The following SYNE2 variants were observed in gnomAD, a reference collection of about 807,000 sequenced individuals.
The protein encoded by SYNE2 is spectrin repeat containing nuclear envelope protein 2.
Under a neutral mutation model 856.3 loss-of-function variants are expected in SYNE2, and 431 were observed. That is an observed-to-expected ratio of 0.50 (90% CI 0.47 to 0.55). SYNE2 has a LOEUF of 0.55. Ranked by LOEUF, SYNE2 falls within the 20% of genes least tolerant of loss-of-function variation. The pLI is 0.00. For missense variants in SYNE2, 8,129 were observed against 8,023.2 expected, an observed-to-expected ratio of 1.01 and a Z score of -0.50; for synonymous variants, 2,923 against 2,872.3, an observed-to-expected ratio of 1.02 and a Z score of -0.56.
In SYNE2 at chr14:64,120,956, G is replaced by A; in HGVS notation, c.13053G>A (p.Glu4351=). ...QHPTILKKSS[E]PEHQEALQPV... is the part of the protein sequence containing the mutation. ...CTACCATTCTAAAGAAATCCTCAGA[G>A]CCAGAGCATCAAGAAGCTCTCCAAC... The change falls in exon 68 of 116, where the codon GAG becomes GAA. Residue 4351 remains glutamate, a synonymous_variant. Coordinates refer to ENST00000555002, the MANE Select transcript of SYNE2 (RefSeq NM_182914.3). 2.5e-6 allele frequency: 4 copies of A among 1,614,072 alleles called. No homozygotes were observed. Among genetic ancestry groups the A allele is most frequent in the Non-Finnish European group, 3.4e-6 (4 of 1,179,968 alleles).
chr14:64,028,979 T>C (rs1035973928), intron 43 of SYNE2, among the ~76,000 whole-genome samples: 1 of 152,016 alleles, frequency 6.6e-6, no homozygotes, highest in African/African-American at 2.4e-5. Flanking sequence ...CTACTAAAAA[T>C]ACAAAAATTA....
intron 48 of SYNE2, among the ~76,000 whole-genome samples, chr14:64,054,856 T>A (rs1285572928): frequency 6.6e-6 from 1 of 152,220 alleles, no homozygotes; most frequent in Non-Finnish European, 1.5e-5. Flanking sequence ...TTCAAAGAGT[T>A]ATTATGAGAT....
intron 11 of SYNE2, among the ~76,000 whole-genome samples, chr14:63,971,409 C>T (rs1282590000): frequency 6.6e-6 from 1 of 152,044 alleles, no homozygotes; most frequent in African/African-American, 2.4e-5. Context: ...AGCCACCACA[C>T]CCACCCTTAG....
chr14:63,943,678 A>AT (rs71444629), intron 6 of SYNE2, among the ~76,000 whole-genome samples: 8 of 54,622 alleles, frequency 1.5e-4, no homozygotes, highest in East Asian at 5.1e-4. Context: ...TATTATTATT[A>AT]TTTTTTTTTT....
In SYNE2 at chr14:63,941,699, C is replaced by T. The variant is rs754768287; in HGVS notation, c.146C>T (p.Thr49Ile). ...CWINSQLARH[T>I]SPSVISDLFT... is the part of the protein sequence containing the mutation. ...TTTTCTTGTGACCTTCTGCAGCACA[C>T]TTCTCCCTCAGTTATATCCGACCTA... The change falls in exon 4 of 116, where the codon ACT becomes ATT. Residue 49 changes from threonine to isoleucine, a missense_variant. Around this residue, in one of 3 missense-constraint regions of SYNE2, gnomAD observed 2,422 missense variants for 2,357.4 expected, o/e 1.03. Transcript: ENST00000555002. 7 of 1,613,698 alleles carry T rather than the reference C, an allele frequency of 4.3e-6. No individual in the cohort carries two copies. The East Asian group carries it at 1.3e-4, about 31-fold the overall frequency.
chr14:64,116,043 T>C (rs1411843806), intron 66 of SYNE2, among the ~76,000 whole-genome samples: 1 of 152,014 alleles, frequency 6.6e-6, no homozygotes, highest in African/African-American at 2.4e-5. Flanking sequence ...TGGTGGTGTG[T>C]ATCTGTAGTC....
intron 84 of SYNE2, among the ~76,000 whole-genome samples, chr14:64,149,001 T>G (rs2098215304): frequency 6.6e-6 from 1 of 151,704 alleles, no homozygotes; most frequent in Non-Finnish European, 1.5e-5. Flanking sequence ...TTTCCACTAT[T>G]CTTTGCATAC....
At chr14:63,942,188 T>G in intron 6 of SYNE2, 45 bp downstream of exon 6, 1 of 1,185,326 alleles carries the variant, frequency 8.4e-7, no homozygotes, top group African/African-American at 1.5e-5. Flanking sequence ...CCTACCACAG[T>G]ATAAAATAAA....
At chr14:63,884,591 T>A (rs1385718342) in intron 1 of SYNE2, among the ~76,000 whole-genome samples, 1 of 152,002 alleles carries the variant, frequency 6.6e-6, no homozygotes, top group Non-Finnish European at 1.5e-5. Context: ...TCTCCCTGGG[T>A]CAGTTGGAGT....
At chr14:63,803,319 GT>G (rs1888230453) in intron 1 of SYNE2, among the ~76,000 whole-genome samples, 1 of 152,224 alleles carries the variant, frequency 6.6e-6, no homozygotes, top group African/African-American at 2.4e-5. Flanking sequence ...GCAGGGGGTG[GT>G]GCTAGTCGGG....
chr14:64,003,390 C>T, intron 30 of SYNE2, 60 bp downstream of exon 30: 1 of 1,596,692 alleles, frequency 6.3e-7, no homozygotes, highest in East Asian at 2.2e-5. Flanking sequence ...ATTTTCACTT[C>T]TGTTAGGTGA....
intron 49 of SYNE2, among the ~76,000 whole-genome samples, chr14:64,058,563 G>A (rs1258058517): frequency 1.3e-4 from 20 of 152,126 alleles, no homozygotes; most frequent in Admixed American, 1.2e-3. Flanking sequence ...CTTGCTCACT[G>A]CAACCTCCCA....
At chr14:63,873,009 G>A (rs11847646) in intron 1 of SYNE2, among the ~76,000 whole-genome samples, 1 of 151,972 alleles carries the variant, frequency 6.6e-6, no homozygotes, top group Non-Finnish European at 1.5e-5. Flanking sequence ...ACCTGTTCAC[G>A]TCTTTTGCTT....
chr14:63,969,580 A>T (rs1482980175), intron 11 of SYNE2, among the ~76,000 whole-genome samples: 1 of 151,712 alleles, frequency 6.6e-6, no homozygotes, highest in African/African-American at 2.4e-5. Context: ...TGACCTCGTG[A>T]TCCACCCGCC....
At chr14:64,174,905 T>C in intron 94 of SYNE2, 39 bp from the exon 95 acceptor site, 1 of 1,591,094 alleles carries the variant, frequency 6.3e-7, no homozygotes, top group Non-Finnish European at 8.6e-7. Flanking sequence ...TTTGAACACA[T>C]CAGAAACCTA....
At chr14:63,815,595 C>A (rs993768827) in intron 1 of SYNE2, among the ~76,000 whole-genome samples, 22 of 152,186 alleles carry the variant, frequency 1.4e-4, no homozygotes, top group Admixed American at 1.1e-3. Context: ...CACCCAGGAT[C>A]AATACTTTGC....
intron 1 of SYNE2, among the ~76,000 whole-genome samples, chr14:63,835,039 G>T (rs146154626): frequency 2.0e-5 from 3 of 151,990 alleles, no homozygotes; most frequent in South Asian, 2.1e-4. Context: ...AATAAATAAA[G>T]CTTCTTTTAT....
intron 99 of SYNE2, chr14:64,202,044 C>T (rs549808016): frequency 3.8e-5 from 23 of 611,562 alleles, no homozygotes; most frequent in Admixed American, 1.5e-4. Flanking sequence ...GACGTGCACG[C>T]CAAGTTGTAC....
At chr14:63,964,804 G>C (rs923720732) in intron 10 of SYNE2, among the ~76,000 whole-genome samples, 1 of 151,978 alleles carries the variant, frequency 6.6e-6, no homozygotes, top group East Asian at 1.9e-4. Context: ...GATTACAGGC[G>C]TGAGCCACAG....
Sources: gnomAD v4.1 joint callset for allele counts (sites outside exome capture counted in the v4.1 genomes callset) on GRCh38, gnomAD v4.1.1 for gene constraint, gnomAD v4.1.1 regional missense constraint, MANE v1.5 for transcripts, NCBI Gene and HGNC (gene_info 2026-07-23, HGNC 2026-07-21) for gene names.